The following IGSF10 variants were observed in gnomAD, a reference collection of about 807,000 sequenced individuals.
The protein encoded by IGSF10 is calvaria mechanical force protein 608.
A neutral mutation model predicts 128.2 loss-of-function variants in IGSF10; 126 were observed. The observed-to-expected ratio is 0.98, with a 90% CI of 0.85 to 1.14. The LOEUF (loss-of-function observed/expected upper bound fraction) is 1.14, where lower values mean the gene tolerates loss of function less well. Ranked by LOEUF, IGSF10 falls within the 50% of genes most tolerant of loss-of-function variation. The pLI, the probability that IGSF10 is intolerant of heterozygous loss-of-function variation, is 0.00. For missense variants in IGSF10, 3,295 were observed against 3,149.8 expected (o/e 1.05, Z -1.10); for synonymous variants, 1,185 against 1,146.2 (o/e 1.03, Z -0.68).
rs1467250059 is a variant in IGSF10, at chr3:151,438,603, G to C, written c.5964-6C>G. ...CGTGGATCCAGCTGCCCACTCTAAG[G>C]AGAAAAGAGATTCATTTGAGTGTGC... On this transcript the variant is annotated splice_polypyrimidine_tract_variant and splice_region_variant and intron_variant, in intron 7 of 7. Coordinates refer to ENST00000282466, the MANE Select transcript of IGSF10 (RefSeq NM_178822.5). The C allele has an allele frequency of 1.2e-6, 2 of 1,602,826 alleles. No homozygotes were observed. Among genetic ancestry groups the C allele is most frequent in the South Asian group, 2.2e-5 (2 of 89,958 alleles).
At chr3:151,483,280 T>C in the IGSF10 span, among the ~76,000 whole-genome samples, 1 of 152,144 alleles carries the variant, frequency 6.6e-6, no homozygotes, top group Non-Finnish European at 1.5e-5. Flanking sequence ...AAGATGTAAA[T>C]TATGACATTC....
the IGSF10 span, among the ~76,000 whole-genome samples, chr3:151,466,195 G>A: frequency 6.6e-6 from 1 of 151,972 alleles, no homozygotes; most frequent in Non-Finnish European, 1.5e-5. Flanking sequence ...ATCAGAAGTG[G>A]GATTCAAAGT....
At chr3:151,440,488 G>C (rs1172279928) in intron 7 of IGSF10, 2 of 450,924 alleles carry the variant, frequency 4.4e-6, no homozygotes, top group Non-Finnish European at 9.0e-6. Flanking sequence ...GAAACTGCCA[G>C]GTGCTTTGCA....
the IGSF10 span, among the ~76,000 whole-genome samples, chr3:151,571,755 A>G: frequency 1.3e-5 from 2 of 152,108 alleles, no homozygotes; most frequent in African/African-American, 4.8e-5. Context: ...TTCCAACACT[A>G]TGTTGAATAG....
the IGSF10 span, among the ~76,000 whole-genome samples, chr3:151,471,073 T>G: frequency 2.6e-5 from 4 of 152,110 alleles, no homozygotes; most frequent in Non-Finnish European, 5.9e-5. Context: ...CTGTGGGGAT[T>G]ATTGAATCAT....
chr3:151,439,824 CTA>C (rs1024345613), intron 7 of IGSF10, among the ~76,000 whole-genome samples: 2 of 152,162 alleles, frequency 1.3e-5, no homozygotes, highest in African/African-American at 4.8e-5. Context: ...CCTGGTAAAA[CTA>C]AATCTACTTT....
At chr3:151,602,764 C>A in the IGSF10 span, among the ~76,000 whole-genome samples, 2 of 152,046 alleles carry the variant, frequency 1.3e-5, no homozygotes, top group African/African-American at 4.8e-5. Flanking sequence ...TTTTAAGTGG[C>A]CAGGAACCTT....
At chr3:151,465,202 T>C (rs1410906447), upstream of IGSF10, among the ~76,000 whole-genome samples, 2 of 152,222 alleles carry the variant, frequency 1.3e-5, no homozygotes, top group Non-Finnish European at 2.9e-5. Flanking sequence ...AAAGAGAGGA[T>C]GGATGAATCT....
chr3:151,533,960 AAAC>A, the IGSF10 span, among the ~76,000 whole-genome samples: 10 of 152,218 alleles, frequency 6.6e-5, no homozygotes, highest in East Asian at 1.9e-4. Flanking sequence ...ATTTACAAGA[AAAC>A]AACAACAACA....
chr3:151,505,350 C>A, the IGSF10 span, among the ~76,000 whole-genome samples: 1 of 152,084 alleles, frequency 6.6e-6, no homozygotes, highest in Non-Finnish European at 1.5e-5. Context: ...TGAGGACTTA[C>A]TATCACGAGA....
upstream of IGSF10, among the ~76,000 whole-genome samples, chr3:151,462,533 T>C (rs1722099014): frequency 6.6e-6 from 1 of 151,794 alleles, no homozygotes; most frequent in Non-Finnish European, 1.5e-5. Flanking sequence ...GTTATTCCCA[T>C]TTTACAAGTA....
the IGSF10 span, among the ~76,000 whole-genome samples, chr3:151,468,042 G>A: frequency 6.6e-6 from 1 of 152,156 alleles, no homozygotes; most frequent in East Asian, 1.9e-4. Flanking sequence ...TACAGAACTC[G>A]CTTAGAGACA....
At chr3:151,514,727 G>A in the IGSF10 span, among the ~76,000 whole-genome samples, 1 of 152,058 alleles carries the variant, frequency 6.6e-6, no homozygotes, top group Non-Finnish European at 1.5e-5. Flanking sequence ...ATCTGACAAA[G>A]GGCTAATATC....
the IGSF10 span, among the ~76,000 whole-genome samples, chr3:151,530,224 T>C: frequency 5.9e-5 from 9 of 152,024 alleles, no homozygotes; most frequent in Non-Finnish European, 8.8e-5. Context: ...AAAGACCAAA[T>C]CTATGTTTGA....
intron 1 of IGSF10, 121 bp downstream of exon 1, chr3:151,460,825 T>G: frequency 2.5e-5 from 6 of 238,136 alleles, no homozygotes; most frequent in Non-Finnish European, 3.9e-5. Flanking sequence ...TCCCCCACCC[T>G]CAGCCCTCCC....
the IGSF10 span, among the ~76,000 whole-genome samples, chr3:151,581,941 C>T: frequency 2.0e-5 from 3 of 152,060 alleles, no homozygotes; most frequent in African/African-American, 4.8e-5. Context: ...TGGTGCACAC[C>T]TGTAATCCCA....
At chr3:151,544,087 T>C in the IGSF10 span, among the ~76,000 whole-genome samples, 2 of 152,176 alleles carry the variant, frequency 1.3e-5, no homozygotes, top group Non-Finnish European at 2.9e-5. Context: ...TTTTGTATTT[T>C]TAGTAGAGAA....
At chr3:151,607,168 G>A in the IGSF10 span, among the ~76,000 whole-genome samples, 18 of 152,144 alleles carry the variant, frequency 1.2e-4, no homozygotes, top group Non-Finnish European at 2.2e-4. Context: ...GGGTGGAATC[G>A]TAAATGAAAG....
At chr3:151,461,119 G>C (rs567075142), upstream of IGSF10, 1 of 985,260 alleles carries the variant, frequency 1.0e-6, no homozygotes, top group African/African-American at 1.7e-5. Context: ...ACGCGGCCGG[G>C]GCTCAGCAGC....
Sources: gnomAD v4.1 joint callset for allele counts (sites outside exome capture counted in the v4.1 genomes callset) on GRCh38, gnomAD v4.1.1 for gene constraint, MANE v1.5 for transcripts, NCBI Gene and HGNC (gene_info 2026-07-23, HGNC 2026-07-21) for gene names.